Variants in RELN observed in about 807,000 individuals in gnomAD.
RELN encodes the protein reelin.
A neutral mutation model predicts 427.6 loss-of-function variants in RELN; 108 were observed. The observed-to-expected ratio is 0.25, with a 90% CI of 0.22 to 0.30. The LOEUF is 0.30. Among genes scored for constraint, RELN ranks in the 10% least tolerant of loss-of-function variants. The pLI is 1.00. For missense variants in RELN, 3,715 were observed against 4,302.8 expected, an observed-to-expected ratio of 0.86 and a Z score of 3.82; for synonymous variants, 1,524 against 1,513.4, an observed-to-expected ratio of 1.01 and a Z score of -0.16.
At chr7:103,521,834 T>G (rs1362781604) in intron 48 of RELN, among the ~76,000 whole-genome samples, 188 bp downstream of exon 48, 1 of 152,204 alleles carries the variant, frequency 6.6e-6, no homozygotes, top group Non-Finnish European at 1.5e-5. Flanking sequence ...TTACTTGGTA[T>G]AAAGTATAGT....
At chr7:103,908,876 T>C (rs892089389) in intron 2 of RELN, among the ~76,000 whole-genome samples, 4 of 152,212 alleles carry the variant, frequency 2.6e-5, no homozygotes, top group Admixed American at 2.0e-4. Context: ...CTTTGTACAT[T>C]GGCTGGAGTA....
intron 45 of RELN, among the ~76,000 whole-genome samples, chr7:103,537,710 T>G (rs362741): frequency 3.9e-5 from 6 of 152,126 alleles, no homozygotes; most frequent in African/African-American, 7.2e-5. Context: ...ATCACCACAC[T>G]GTACTCTTCT....
chr7:103,919,202 A>G (rs942154274), intron 1 of RELN, among the ~76,000 whole-genome samples: 5 of 144,092 alleles, frequency 3.5e-5, no homozygotes, highest in Admixed American at 7.2e-5. Flanking sequence ...GATTTAAGGC[A>G]TATCTTTCTG....
intron 51 of RELN, chr7:103,504,369 C>T (rs1829138340): frequency 6.6e-6 from 1 of 152,088 alleles, no homozygotes; most frequent in South Asian, 2.1e-4. Context: ...TAATCAGTAT[C>T]CTACATTTTT....
At chr7:103,538,973 T>A (rs1830116963) in intron 45 of RELN, 105 bp downstream of exon 45, 10 of 1,300,138 alleles carry the variant, frequency 7.7e-6, no homozygotes, top group Non-Finnish European at 9.9e-6. Flanking sequence ...GCACTTGTGT[T>A]TTATTTACAG....
chr7:103,844,288 C>T (rs1288096288), intron 2 of RELN, among the ~76,000 whole-genome samples: 1 of 152,176 alleles, frequency 6.6e-6, no homozygotes, highest in Non-Finnish European at 1.5e-5. Context: ...TTCTCTCTCT[C>T]CTCAATGCCA....
chr7:103,865,152 A>T (rs988972639), intron 2 of RELN, among the ~76,000 whole-genome samples: 3 of 149,276 alleles, frequency 2.0e-5, no homozygotes, highest in Non-Finnish European at 4.4e-5. Flanking sequence ...AAAAAAAAAA[A>T]AAAGAAAGAA....
At chr7:103,596,429 T>A (rs770112980) in intron 25 of RELN, 27 bp downstream of exon 25, 1 of 1,577,858 alleles carries the variant, frequency 6.3e-7, no homozygotes, top group Non-Finnish European at 8.7e-7. Flanking sequence ...TGGAAACTAA[T>A]GCGAGGACCA....
At chr7:103,807,811 C>G (rs572830296) in intron 3 of RELN, among the ~76,000 whole-genome samples, 1 of 152,080 alleles carries the variant, frequency 6.6e-6, no homozygotes, top group South Asian at 2.1e-4. Context: ...TTTATGGCTA[C>G]GTAGTATTTC....
chr7:103,772,370 G>A (rs1791591391), intron 4 of RELN, among the ~76,000 whole-genome samples: 1 of 152,164 alleles, frequency 6.6e-6, no homozygotes, highest in Non-Finnish European at 1.5e-5. Flanking sequence ...TGCTCTCCCT[G>A]TGCCTTTGTT....
intron 2 of RELN, among the ~76,000 whole-genome samples, chr7:103,839,033 C>T (rs1307790381): frequency 6.6e-6 from 1 of 152,142 alleles, no homozygotes; most frequent in Non-Finnish European, 1.5e-5. Flanking sequence ...TTGTAAAGCT[C>T]ACCAAGCAAT....
At chr7:103,763,287 T>G (rs1215999640) in intron 4 of RELN, among the ~76,000 whole-genome samples, 1 of 152,104 alleles carries the variant, frequency 6.6e-6, no homozygotes. Flanking sequence ...TAAGAGTAAT[T>G]CGGCATTTTT....
chr7:103,499,844 A>C (rs920521324), intron 53 of RELN, among the ~76,000 whole-genome samples: 2 of 152,232 alleles, frequency 1.3e-5, no homozygotes, highest in African/African-American at 4.8e-5. Flanking sequence ...AGTGCTCATG[A>C]AAGAAATTAG....
Position 103,899,523 on chromosome 7 carries a change from C to T in RELN, c.337+17552G>A, listed in dbSNP as rs1795036373. On this transcript the variant is annotated intron_variant, in intron 2 of 64. Transcript: ENST00000428762. ...ATTTCAGGCCAATATCCCTGATGAACATCAATGCGAAAATCCTCTATAAAA... is the reference window on the plus strand; with the variant it reads ...ATTTCAGGCCAATATCCCTGATGAATATCAATGCGAAAATCCTCTATAAAA... Among the ~76,000 whole-genome samples, 3 of 152,134 alleles carry T rather than the reference C, an allele frequency of 2.0e-5. No homozygotes were observed. In the South Asian group the frequency reaches 6.2e-4, roughly 31 times the overall value.
intron 2 of RELN, among the ~76,000 whole-genome samples, chr7:103,882,905 A>T (rs183271759): frequency 1.3e-5 from 2 of 152,292 alleles, no homozygotes; most frequent in East Asian, 1.9e-4. Context: ...CCAACAAAAG[A>T]AAAAGAGGGA....
At chr7:103,578,634 T>C (rs976217119) in intron 28 of RELN, among the ~76,000 whole-genome samples, 1 of 152,188 alleles carries the variant, frequency 6.6e-6, no homozygotes, top group Admixed American at 6.5e-5. Flanking sequence ...AATCTTGGGA[T>C]TGAACACAAT....
intron 3 of RELN, among the ~76,000 whole-genome samples, chr7:103,823,551 T>C (rs39343): frequency 0.33 from 49,390 of 151,846 alleles, 8,486 homozygotes; most frequent in Middle Eastern, 0.44. Flanking sequence ...GCAAAATAAT[T>C]TGATGACATT....
intron 1 of RELN, among the ~76,000 whole-genome samples, chr7:103,939,343 G>T (rs1287235865): frequency 6.6e-6 from 1 of 152,120 alleles, no homozygotes; most frequent in African/African-American, 2.4e-5. Context: ...ATAGAAAAAT[G>T]AAGCAACATG....
chr7:103,615,774 G>A (rs763068781), intron 20 of RELN, among the ~76,000 whole-genome samples: 1 of 152,212 alleles, frequency 6.6e-6, no homozygotes, highest in Non-Finnish European at 1.5e-5. Context: ...AAATGAGCAT[G>A]TGAGTAAGGT....
Sources: gnomAD v4.1 joint callset for allele counts (sites outside exome capture counted in the v4.1 genomes callset) on GRCh38, gnomAD v4.1.1 for gene constraint, MANE v1.5 for transcripts, NCBI Gene and HGNC (gene_info 2026-07-23, HGNC 2026-07-21) for gene names.